The following PCDHGA2 variants were observed in gnomAD, a reference collection of about 807,000 sequenced individuals.
PCDHGA2 encodes the protein protocadherin gamma subfamily A, 2.
PCDHGA2 carries 40 observed loss-of-function variants against 59.2 expected under a neutral mutation model. That is an observed-to-expected ratio of 0.68 (90% CI 0.52 to 0.88). The LOEUF is 0.88. Ranked by LOEUF, PCDHGA2 falls within the 40% of genes least tolerant of loss-of-function variation. The pLI is 0.00. For synonymous variants in PCDHGA2, 560 were observed against 526.0 expected (o/e 1.06, Z -0.89); for missense variants, 1,226 against 1,204.0 (o/e 1.02, Z -0.27).
chr5:141,439,632 T>C (rs1335553818), intron 1 of PCDHGA2, among the ~76,000 whole-genome samples: 1 of 152,182 alleles, frequency 6.6e-6, no homozygotes, highest in Non-Finnish European at 1.5e-5. Context: ...TCCCCAGACA[T>C]TCCGGCTTGG....
intron 1 of PCDHGA2, chr5:141,355,974 C>T: frequency 1.2e-6 from 2 of 1,613,872 alleles, no homozygotes; most frequent in East Asian, 2.2e-5. Context: ...TTCCTGTAGG[C>T]ACTCGGCTAC....
At chr5:141,419,246 GAAAACAACCAGCC>G (rs749331717) in intron 1 of PCDHGA2, 1 of 1,614,004 alleles carries the variant, frequency 6.2e-7, no homozygotes, top group South Asian at 1.1e-5. Flanking sequence ...CCACGTGCCA[GAAAACAACCAGCC>G]GGGTGCCTCC....
At chr5:141,399,645 A>C (rs762123604) in intron 1 of PCDHGA2, 8 of 1,613,676 alleles carry the variant, frequency 5.0e-6, no homozygotes, top group Admixed American at 1.7e-5. Flanking sequence ...TGAGCGCGCA[A>C]AGTGGGGTGG....
intron 1 of PCDHGA2, chr5:141,421,043 C>T (rs1201118615): frequency 5.5e-6 from 3 of 548,238 alleles, no homozygotes; most frequent in African/African-American, 3.9e-5. Flanking sequence ...CCTCCCTCCC[C>T]CGCCTCTACC....
chr5:141,502,242 CT>C (rs989546500), intron 2 of PCDHGA2, among the ~76,000 whole-genome samples: 27 of 151,950 alleles, frequency 1.8e-4, no homozygotes, highest in African/African-American at 6.3e-4. Context: ...TTCTTTTATC[CT>C]TTTTTTTAAT....
intron 1 of PCDHGA2, chr5:141,426,560 G>A (rs1358683534): frequency 5.7e-6 from 2 of 352,756 alleles, no homozygotes; most frequent in South Asian, 2.1e-5. Flanking sequence ...AGAATAGATC[G>A]AGAGTCACTG....
intron 1 of PCDHGA2, chr5:141,423,760 G>A: frequency 1.1e-5 from 3 of 279,660 alleles, no homozygotes; most frequent in Non-Finnish European, 1.1e-5. Flanking sequence ...TGGGGGGGGG[G>A]TGGGGCGGCA....
intron 1 of PCDHGA2, chr5:141,423,928 G>C: frequency 8.1e-7 from 1 of 1,236,850 alleles, no homozygotes; most frequent in Non-Finnish European, 1.0e-6. Flanking sequence ...ATGCTGGTTT[G>C]GTTTGAAGTA....
intron 1 of PCDHGA2, among the ~76,000 whole-genome samples, chr5:141,433,408 A>ATCTATCTATCTATCT (rs1413347413): frequency 7.9e-6 from 1 of 127,280 alleles, no homozygotes; most frequent in African/African-American, 2.9e-5. Flanking sequence ...TCTATCTATT[A>ATCTATCTATCTATCT]CTTTCTTGTA....
intron 1 of PCDHGA2, chr5:141,407,888 C>T (rs769893466): frequency 2.6e-6 from 1 of 388,626 alleles, no homozygotes; most frequent in Non-Finnish European, 4.6e-6. Flanking sequence ...TTTCGGAGAC[C>T]GAATTCAAAA....
At chr5:141,403,105 C>T in intron 1 of PCDHGA2, 1 of 1,614,056 alleles carries the variant, frequency 6.2e-7, no homozygotes. Flanking sequence ...TCTCCAAGGA[C>T]CTGGCTCTGG....
intron 2 of PCDHGA2, among the ~76,000 whole-genome samples, chr5:141,503,275 C>T (rs1466636672): frequency 1.3e-5 from 2 of 152,108 alleles, no homozygotes; most frequent in Non-Finnish European, 2.9e-5. Context: ...GCACCTGGCT[C>T]TGTGTCTGGT....
chr5:141,376,562 C>A, intron 1 of PCDHGA2: 1 of 1,608,850 alleles, frequency 6.2e-7, no homozygotes, highest in Non-Finnish European at 8.5e-7. Context: ...CGCAACCCAA[C>A]TAATCAGACA....
Position 141,374,782 on chromosome 5 carries a change from A to G in PCDHGA2, c.2424+33387A>G, listed in dbSNP as rs781674966. The G allele has an allele frequency of 1.9e-6, 3 of 1,613,904 alleles. No individual in the cohort carries two copies. The East Asian group carries it at 6.7e-5, about 36-fold the overall frequency. ...TCGCCCAAATTCTGGTAACAGTTCT[A>G]GATGTGAATGACAACACTCCAATGT... On this transcript the variant is annotated intron_variant, in intron 1 of 3. Coordinates refer to ENST00000394576, the MANE Select transcript of PCDHGA2 (RefSeq NM_018915.4).
chr5:141,408,176 G>C, intron 1 of PCDHGA2: 1 of 1,533,992 alleles, frequency 6.5e-7, no homozygotes, highest in South Asian at 1.2e-5. Flanking sequence ...TGGAAAAGCG[G>C]GGACCCAGCG....
At chr5:141,504,135 C>G (rs758903340) in intron 2 of PCDHGA2, among the ~76,000 whole-genome samples, 215 of 152,306 alleles carry the variant, frequency 1.4e-3, no homozygotes, top group Middle Eastern at 3.4e-3. Context: ...CCCGCCAACA[C>G]TCCCCTGCAA....
intron 1 of PCDHGA2, among the ~76,000 whole-genome samples, chr5:141,473,698 T>A (rs2099327181): frequency 6.6e-6 from 1 of 152,166 alleles, no homozygotes; most frequent in Non-Finnish European, 1.5e-5. Context: ...CTGACCACCC[T>A]CCAAGTGGTG....
At chr5:141,385,268 C>CTT (rs1561607550) in intron 1 of PCDHGA2, 1 of 1,613,616 alleles carries the variant, frequency 6.2e-7, no homozygotes, top group Non-Finnish European at 8.5e-7. Context: ...AAAAATGATT[C>CTT]TTTGCTAACA....
intron 1 of PCDHGA2, among the ~76,000 whole-genome samples, chr5:141,444,110 A>C (rs1284415694): frequency 6.7e-6 from 1 of 149,880 alleles, no homozygotes; most frequent in Non-Finnish European, 1.5e-5. Flanking sequence ...AACCAAGAAA[A>C]GTGAAGTATC....
Sources: allele counts gnomAD v4.1 joint callset (sites outside exome capture counted in the v4.1 genomes callset), GRCh38; gene constraint gnomAD v4.1.1; transcripts MANE v1.5; gene names NCBI Gene and HGNC (gene_info 2026-07-23, HGNC 2026-07-21).